The following EIF3M variants were observed in gnomAD, a reference collection of about 807,000 sequenced individuals.
EIF3M encodes eukaryotic translation initiation factor 3 subunit M.
In EIF3M, 25 loss-of-function variants were observed where a neutral mutation model predicts 49.7. That is an observed-to-expected ratio of 0.50 (90% CI 0.37 to 0.70). The LOEUF is 0.70. Among genes scored for constraint, EIF3M ranks in the 30% least tolerant of loss-of-function variants. The probability of loss-of-function intolerance (pLI) is 0.00; values close to 1 mark genes in which losing one functional copy is unlikely to be tolerated. For synonymous variants in EIF3M, 156 were observed against 149.8 expected (o/e 1.04, Z -0.30); for missense variants, 350 against 440.0 (o/e 0.80, Z 1.83).
At chr11:32,600,572 CAAT>C (rs1855244931) in intron 8 of EIF3M, 114 bp from the exon 9 acceptor site, 1 of 1,243,534 alleles carries the variant, frequency 8.0e-7, no homozygotes, top group South Asian at 2.2e-5. Flanking sequence ...AGTGCTCAAA[CAAT>C]AATTTCCACA....
chr11:32,591,102 G>A (rs1464871381), intron 5 of EIF3M, among the ~76,000 whole-genome samples: 1 of 152,124 alleles, frequency 6.6e-6, no homozygotes. Context: ...TCCCGCCTCC[G>A]CCTCCCAAAG....
chr11:32,590,330 C>T (rs573204747), intron 5 of EIF3M, among the ~76,000 whole-genome samples: 3 of 152,280 alleles, frequency 2.0e-5, no homozygotes, highest in African/African-American at 7.2e-5. Flanking sequence ...ACAACAGATA[C>T]CATATAGCTT....
chr11:32,602,937 A>G lies in EIF3M; in HGVS notation c.*538A>G. 3 of 1,613,610 alleles carry G rather than the reference A, an allele frequency of 1.9e-6. No homozygotes were observed. The South Asian group carries it at 3.3e-5, about 18-fold the overall frequency. Reference sequence around the variant, plus strand: ...GATTCGTAATGAGGCTCTGCCAGTCATCATCACCAGAAGTATTTTTAGTCG... The same window carrying G: ...GATTCGTAATGAGGCTCTGCCAGTCGTCATCACCAGAAGTATTTTTAGTCG... On this transcript the variant is annotated 3_prime_UTR_variant, in exon 11 of 11. Coordinates refer to ENST00000531120, the MANE Select transcript of EIF3M (RefSeq NM_006360.6).
At position 32,595,972 on chromosome 11, in the gene EIF3M, A is replaced by C. The variant is rs751735055; in HGVS notation, c.724A>C (p.Thr242Pro). 1.3e-6 allele frequency: 2 copies of C among 1,576,494 alleles called. No homozygotes were observed. The highest frequency in any genetic ancestry group is 1.7e-6 in the Non-Finnish European group (2 of 1,168,358). Residue 242 changes from threonine to proline, a missense_variant, in exon 8 of 11, where the codon ACC (threonine) becomes CCC (proline). By Grantham distance (38) the Thr-to-Pro change is conservative (BLOSUM62 -1). Transcript: ENST00000531120. ...LEGELIHDLL[T>P]IFVSAKLASY... is the part of the protein sequence containing the mutation. ...TTGTCTCTTATCTGTATAGCTTTTA[A>C]CCATTTTTGTGAGTGCTAAATTGGC...
intron 8 of EIF3M, among the ~76,000 whole-genome samples, chr11:32,596,675 G>A (rs1021220912): frequency 6.6e-6 from 1 of 151,976 alleles, no homozygotes; most frequent in Non-Finnish European, 1.5e-5. Flanking sequence ...GGAGGATGAG[G>A]TGGGTGGATC....
chr11:32,592,182 A>G (rs979405653), intron 5 of EIF3M: 1 of 351,828 alleles, frequency 2.8e-6, no homozygotes, highest in South Asian at 2.4e-5. Context: ...ACCATCTCCA[A>G]AGTTTCCTCC....
rs1032426835 is a variant in EIF3M at position 32,603,942 on chromosome 11, C to T, written c.*1543C>T. ...ATTAGCTGGGCATGGTGGCATGCAACTGTAGTCCCAGCTCCTCGGAGGGCT... is the reference window on the plus strand; with the variant it reads ...ATTAGCTGGGCATGGTGGCATGCAATTGTAGTCCCAGCTCCTCGGAGGGCT... On this transcript the variant is annotated 3_prime_UTR_variant, in exon 11 of 11. Coordinates refer to ENST00000531120, the MANE Select transcript of EIF3M (RefSeq NM_006360.6). 1 of 152,200 alleles carries T rather than the reference C, an allele frequency of 6.6e-6. No homozygotes were observed. The allele number at this position is 152,200 out of a possible 1,614,324, so 9.4% of individuals were successfully genotyped here. A position where few individuals can be genotyped will look rare whatever the true frequency, so the allele number is the denominator to read the frequency against.
At chr11:32,595,413 A>T (rs555236540) in intron 7 of EIF3M, among the ~76,000 whole-genome samples, 1 of 152,186 alleles carries the variant, frequency 6.6e-6, no homozygotes, top group Admixed American at 6.5e-5. Context: ...TATTTTTAGT[A>T]GATACAGAGT....
chr11:32,584,065 G>C lies in EIF3M; in HGVS notation c.42+136G>C, dbSNP rs892768818. On this transcript the variant is annotated intron_variant, in intron 1 of 10. Coordinates refer to ENST00000531120, the MANE Select transcript of EIF3M (RefSeq NM_006360.6). ...TCTACACGCGAGAATGGGGAGGCCG[G>C]TGGCTGGGGCGCGCGTTCCTGGCCT... is the stretch of plus-strand genomic sequence containing the variant. 10 of 1,219,510 alleles carry C rather than the reference G, an allele frequency of 8.2e-6. No homozygotes were observed. The African/African-American group carries it at 1.2e-4, about 15-fold the overall frequency. The allele number at this position is 1,219,510 out of a possible 1,614,324, so 75.5% of individuals were successfully genotyped here.
At chr11:32,594,132 G>A in intron 6 of EIF3M, 183 bp downstream of exon 6, 1 of 395,396 alleles carries the variant, frequency 2.5e-6, no homozygotes, top group Non-Finnish European at 4.4e-6. Flanking sequence ...GAAGAACTGT[G>A]GATTGAATAT....
intron 6 of EIF3M, chr11:32,594,446 A>T: frequency 6.4e-6 from 1 of 155,452 alleles, no homozygotes; most frequent in Non-Finnish European, 1.4e-5. Context: ...GTTGGTAAAA[A>T]GGGAAGTTGG....
In EIF3M at chr11:32,583,856, A is replaced by G. The variant is rs1366214795; in HGVS notation, c.-32A>G. The G allele has an allele frequency of 6.2e-7, 1 of 1,610,098 alleles. No individual in the cohort carries two copies. Among genetic ancestry groups the G allele is most frequent in the Admixed American group, 1.7e-5 (1 of 59,822 alleles). On this transcript the variant is annotated 5_prime_UTR_variant, in exon 1 of 11. Transcript: ENST00000531120. ...CTTTTCCGGTCGGCGTGGTCTTGCG[A>G]GTGGAGTGTCCGCTGTGCCCGGGCC...
chr11:32,596,093 A>G, intron 8 of EIF3M, 46 bp downstream of exon 8: 1 of 1,382,244 alleles, frequency 7.2e-7, no homozygotes, highest in Non-Finnish European at 9.8e-7. Context: ...TGGGAACATG[A>G]TACACTAACA....
intron 8 of EIF3M, among the ~76,000 whole-genome samples, chr11:32,600,350 A>G (rs1290556120): frequency 6.6e-6 from 1 of 151,306 alleles, no homozygotes; most frequent in Non-Finnish European, 1.5e-5. Flanking sequence ...TTCTTATGAA[A>G]TGTACTTTGT....
Position 32,589,146 on chromosome 11 carries a change from G to C in EIF3M, c.438+11G>C. On this transcript the variant is annotated intron_variant, in intron 4 of 10. Coordinates refer to ENST00000531120, the MANE Select transcript of EIF3M (RefSeq NM_006360.6). ...ACTGAGCTGGATCAAGTGAGTTACT[G>C]TGTGGAATAGTTGTTCTGCTTATAA... 6.2e-7 allele frequency: 1 copy of C among 1,609,136 alleles called. No homozygotes were observed. Among genetic ancestry groups the C allele is most frequent in the South Asian group, 1.1e-5 (1 of 89,680 alleles).
At chr11:32,586,037 C>A (rs1854992476) in intron 1 of EIF3M, among the ~76,000 whole-genome samples, 1 of 152,180 alleles carries the variant, frequency 6.6e-6, no homozygotes. Context: ...TGAGACCAGC[C>A]TGACGAACAT....
At position 32,595,013 on chromosome 11, in the gene EIF3M, T is replaced by C; in HGVS notation, c.717T>C (p.Asp239=). ...VKFLEGELIH[D]LLTIFVSAKL... ...TTTTGGAAGGCGAGCTTATTCATGA[T>C]GTAAGTAGTTTATCCTTTAATGTGA... is the stretch of plus-strand genomic sequence containing the variant. The change falls in exon 7 of 11, where the codon GAT becomes GAC. Residue 239 remains aspartate, a splice_region_variant and synonymous_variant. Coordinates refer to ENST00000531120, the MANE Select transcript of EIF3M (RefSeq NM_006360.6). The C allele has an allele frequency of 5.6e-6, 9 of 1,612,262 alleles. No individual in the cohort carries two copies. In the African/African-American group the frequency reaches 8.0e-5, roughly 14 times the overall value.
chr11:32,595,071 G>GCATTATGTATGT (rs1191313025), intron 7 of EIF3M, 58 bp downstream of exon 7: 1 of 1,446,424 alleles, frequency 6.9e-7, no homozygotes, highest in Non-Finnish European at 9.6e-7. Flanking sequence ...TTTACATACT[G>GCATTATGTATGT]AAGCAGGACT....
Position 32,587,052 on chromosome 11 carries a change from A to C in EIF3M, c.83A>C (p.Glu28Ala). 6.2e-7 allele frequency: 1 copy of C among 1,612,490 alleles called. No individual in the cohort carries two copies. Among genetic ancestry groups the C allele is most frequent in the East Asian group, 2.2e-5 (1 of 44,880 alleles). ...GCTTATCTGAAATCTAAAGGAGCTG[A>C]GATTTCAGAAGAGAACTCGGAAGGT... is the stretch of plus-strand genomic sequence containing the variant. ...LRAYLKSKGA[E>A]ISEENSEGGL... is the part of the protein sequence containing the mutation. The change falls in exon 2 of 11, where the codon GAG becomes GCG. Residue 28 changes from glutamate (E) to alanine (A), a missense_variant. By Grantham distance (107) the Glu-to-Ala change is moderately radical. Transcript: ENST00000531120.
Sources: gnomAD v4.1 joint callset for allele counts (sites outside exome capture counted in the v4.1 genomes callset) on GRCh38, gnomAD v4.1.1 for gene constraint, MANE v1.5 for transcripts, NCBI Gene and HGNC (gene_info 2026-07-23, HGNC 2026-07-21) for gene names.